The following MICU1 variants were observed in gnomAD, a reference collection of about 807,000 sequenced individuals.
MICU1 encodes calcium uptake protein 1, mitochondrial.
A neutral mutation model predicts 56.8 loss-of-function variants in MICU1; 45 were observed. That is an observed-to-expected ratio of 0.79 (90% CI 0.62 to 1.02). The LOEUF is 1.02. MICU1 is among the 50% of genes least tolerant of loss of function. The probability of loss-of-function intolerance (pLI) is 0.00; values close to 1 mark genes in which losing one functional copy is unlikely to be tolerated. For missense variants in MICU1, 504 were observed against 587.1 expected (o/e 0.86, Z 1.46); for synonymous variants, 186 against 195.1 (o/e 0.95, Z 0.39).
chr10:72,611,134 G>A (rs1841834198), intron 1 of MICU1, among the ~76,000 whole-genome samples: 1 of 150,626 alleles, frequency 6.6e-6, no homozygotes, highest in Admixed American at 6.6e-5. Flanking sequence ...GAAACCCCGT[G>A]TCTACTAAAT....
At chr10:72,457,112 C>CGT (rs1865495546) in intron 8 of MICU1, among the ~76,000 whole-genome samples, 2 of 151,918 alleles carry the variant, frequency 1.3e-5, no homozygotes, top group African/African-American at 2.4e-5. Flanking sequence ...GCTTGAGCCA[C>CGT]CATGCCCATC....
chr10:72,526,502 G>A (rs1406408128), intron 5 of MICU1, among the ~76,000 whole-genome samples: 1 of 152,002 alleles, frequency 6.6e-6, no homozygotes, highest in Non-Finnish European at 1.5e-5. Context: ...CACCATGTTG[G>A]TCAGGCTGGT....
chr10:72,569,233 A>ATTTTTTTTTTTTTTTTT (rs1231227018), intron 1 of MICU1, among the ~76,000 whole-genome samples: 4 of 40,330 alleles, frequency 9.9e-5, no homozygotes, highest in Admixed American at 2.8e-4. Context: ...ATATATATAT[A>ATTTTTTTTTTTTTTTTT]TATATTTTTT....
chr10:72,474,777 A>C (rs1022881024), intron 8 of MICU1, among the ~76,000 whole-genome samples: 3 of 152,224 alleles, frequency 2.0e-5, no homozygotes, highest in African/African-American at 7.2e-5. Context: ...TCTTCCACAC[A>C]ATAAACAAAA....
At chr10:72,564,969 C>A (rs1309317948) in intron 2 of MICU1, among the ~76,000 whole-genome samples, 1 of 151,960 alleles carries the variant, frequency 6.6e-6, no homozygotes, top group African/African-American at 2.4e-5. Flanking sequence ...AAAGATCATG[C>A]TATATTAATA....
chr10:72,515,103 A>G (rs942502067), intron 5 of MICU1, among the ~76,000 whole-genome samples: 1 of 152,230 alleles, frequency 6.6e-6, no homozygotes. Flanking sequence ...AACATGATCC[A>G]CATTGCTCGT....
chr10:72,531,872 C>T (rs942418323), intron 5 of MICU1, among the ~76,000 whole-genome samples: 1 of 150,876 alleles, frequency 6.6e-6, no homozygotes, highest in South Asian at 2.1e-4. Context: ...TTATTCATTA[C>T]ATAAGGTTTT....
At chr10:72,394,251 C>T (rs1014905953) in intron 10 of MICU1, among the ~76,000 whole-genome samples, 24 of 152,148 alleles carry the variant, frequency 1.6e-4, no homozygotes, top group African/African-American at 5.6e-4. Context: ...CTGTGTCCAA[C>T]AAGGTCACAA....
chr10:72,537,817 C>T (rs950250414), intron 4 of MICU1, among the ~76,000 whole-genome samples: 1 of 152,048 alleles, frequency 6.6e-6, no homozygotes, highest in African/African-American at 2.4e-5. Context: ...CAGTTTAAGC[C>T]TCAGAGTGAA....
At position 72,615,945 on chromosome 10, in the gene MICU1, T is replaced by C. The variant is rs930278525; in HGVS notation, c.-2+10065A>G. Among the ~76,000 whole-genome samples, 11 of 152,044 alleles carry C rather than the reference T, an allele frequency of 7.2e-5. No homozygotes were observed. In the South Asian group the frequency reaches 1.4e-3, roughly 20 times the overall value. On this transcript the variant is annotated intron_variant, in intron 1 of 11. Transcript: ENST00000361114. Reference sequence around the variant, plus strand: ...CGGAGCTGGCAGTGAGCCGAGATTGTGCCACTGCACTCCAGCCTGGGCGAC... The same window carrying C: ...CGGAGCTGGCAGTGAGCCGAGATTGCGCCACTGCACTCCAGCCTGGGCGAC...
intron 5 of MICU1, chr10:72,509,506 T>C: frequency 6.5e-6 from 6 of 919,792 alleles, no homozygotes; most frequent in Non-Finnish European, 9.2e-6. Flanking sequence ...TGTATGATCT[T>C]CTCAATAAAC....
At chr10:72,376,983 A>G (rs191378809) in intron 10 of MICU1, among the ~76,000 whole-genome samples, 1 of 152,020 alleles carries the variant, frequency 6.6e-6, no homozygotes, top group African/African-American at 2.4e-5. Flanking sequence ...TGGTGGGTGA[A>G]TGACAGCTAA....
At chr10:72,592,494 A>G (rs1446700123) in intron 1 of MICU1, among the ~76,000 whole-genome samples, 1 of 152,174 alleles carries the variant, frequency 6.6e-6, no homozygotes, top group Non-Finnish European at 1.5e-5. Flanking sequence ...CCAATATTAC[A>G]CTAATATCAA....
intron 1 of MICU1, among the ~76,000 whole-genome samples, chr10:72,617,435 A>G (rs1309106754): frequency 2.0e-5 from 3 of 152,146 alleles, no homozygotes; most frequent in Admixed American, 6.6e-5. Flanking sequence ...AGTACCTGAT[A>G]TCCATTACCT....
At chr10:72,574,009 A>G (rs997260490) in intron 1 of MICU1, among the ~76,000 whole-genome samples, 32 of 152,242 alleles carry the variant, frequency 2.1e-4, no homozygotes, top group Non-Finnish European at 2.2e-4. Flanking sequence ...TTGCCTTTTT[A>G]TATTTGATTT....
intron 8 of MICU1, among the ~76,000 whole-genome samples, chr10:72,450,355 G>C (rs145618139): frequency 3.3e-5 from 5 of 152,054 alleles, no homozygotes; most frequent in African/African-American, 1.2e-4. Flanking sequence ...TTAGTTAAGA[G>C]TGATTGATGA....
intron 5 of MICU1, among the ~76,000 whole-genome samples, chr10:72,513,357 T>C (rs1867544101): frequency 6.6e-6 from 1 of 152,248 alleles, no homozygotes; most frequent in South Asian, 2.1e-4. Flanking sequence ...TATATCTTCT[T>C]TGGAGAAATG....
intron 8 of MICU1, among the ~76,000 whole-genome samples, chr10:72,447,918 T>G (rs1865155896): frequency 6.6e-6 from 1 of 152,102 alleles, no homozygotes; most frequent in Non-Finnish European, 1.5e-5. Flanking sequence ...ACCTACATTT[T>G]GAGGACACCA....
At chr10:72,440,449 G>A (rs1306965059) in intron 8 of MICU1, among the ~76,000 whole-genome samples, 1 of 152,126 alleles carries the variant, frequency 6.6e-6, no homozygotes, top group East Asian at 1.9e-4. Flanking sequence ...AAAAACTCTA[G>A]AAGAAAACCT....
Sources: gnomAD v4.1 joint callset for allele counts (sites outside exome capture counted in the v4.1 genomes callset) on GRCh38, gnomAD v4.1.1 for gene constraint, MANE v1.5 for transcripts, NCBI Gene and HGNC (gene_info 2026-07-23, HGNC 2026-07-21) for gene names.